SSBP4: variants seen among roughly 807,000 people sequenced by gnomAD.
SSBP4 encodes the protein single-stranded DNA-binding protein 4.
A neutral mutation model predicts 64.6 loss-of-function variants in SSBP4; 33 were observed. The observed-to-expected ratio is 0.51, with a 90% CI of 0.39 to 0.68. The LOEUF (loss-of-function observed/expected upper bound fraction) is 0.68, where lower values mean the gene tolerates loss of function less well. Ranked by LOEUF, SSBP4 falls within the 30% of genes least tolerant of loss-of-function variation. SSBP4 has a pLI of 0.00. For missense variants in SSBP4, 583 were observed against 566.8 expected, an observed-to-expected ratio of 1.03 and a Z score of -0.29; for synonymous variants, 243 against 224.0, an observed-to-expected ratio of 1.08 and a Z score of -0.76.
At chr19:18,405,773 G>A in the SSBP4 span, among the ~76,000 whole-genome samples, 3 of 152,128 alleles carry the variant, frequency 2.0e-5, no homozygotes, top group South Asian at 4.1e-4. Context: ...AGATCACGAG[G>A]TCAGGTGATC....
chr19:18,432,151 A>C lies in SSBP4; in HGVS notation c.641A>C (p.Tyr214Ser), dbSNP rs150124138. 2 of 1,613,128 alleles carry C rather than the reference A, an allele frequency of 1.2e-6. No individual in the cohort carries two copies. The highest frequency in any genetic ancestry group is 2.2e-5 in the South Asian group (2 of 91,074). The stretch of plus-strand genomic sequence containing the variant: ...ACAGCCCCTTTGCCTCCGCAGAGCT[A>C]TGGAGGTGGCATGCGACCCCCACCC... ...RGMASVGPQS[Y>S]GGGMRPPPNS... The change falls in exon 10 of 18, where the codon TAT (tyrosine) becomes TCT (serine). Residue 214 changes from tyrosine (Y) to serine (S), a missense_variant. By Grantham distance (144) the Tyr-to-Ser change is moderately radical (BLOSUM62 -2). This residue lies in a region of SSBP4 where 444 missense variants were observed against 386.6 expected (regional missense o/e 1.15). Coordinates refer to ENST00000270061, the MANE Select transcript of SSBP4 (RefSeq NM_032627.5).
chr19:18,418,760 C>G (rs954361801), upstream of SSBP4: 3 of 159,714 alleles, frequency 1.9e-5, no homozygotes, highest in African/African-American at 7.2e-5. The surrounding 1 kb of genome is among the most constrained non-coding windows in gnomAD (Gnocchi z 6.7). Context: ...ATAGTGCGCC[C>G]CAGGGTGACT....
intron 15 of SSBP4, 171 bp from the exon 16 acceptor site, chr19:18,433,414 T>C: frequency 1.5e-6 from 2 of 1,303,060 alleles, no homozygotes; most frequent in Non-Finnish European, 1.1e-6. Context: ...TGACCGCCCC[T>C]CCCCCCCAGG....
chr19:18,411,952 C>A, the SSBP4 span, among the ~76,000 whole-genome samples: 3 of 152,032 alleles, frequency 2.0e-5, no homozygotes, highest in African/African-American at 7.3e-5. Flanking sequence ...TCGCTTGAGG[C>A]CAGGAGTTCG....
chr19:18,419,250 C>A (rs1044600315), upstream of SSBP4: 30 of 990,498 alleles, frequency 3.0e-5, no homozygotes, highest in Non-Finnish European at 3.5e-5. Context: ...TGTAGCCGCG[C>A]CCCCACCCCC....
At chr19:18,420,481 G>A (rs957978424) in intron 1 of SSBP4, among the ~76,000 whole-genome samples, 3 of 152,124 alleles carry the variant, frequency 2.0e-5, no homozygotes, top group Non-Finnish European at 4.4e-5. Context: ...AGCCGAGTGT[G>A]CTCTCCGGGT....
chr19:18,417,922 GAGGCATCTGCGGGGTC>G (rs553636746), upstream of SSBP4, among the ~76,000 whole-genome samples: 2 of 152,278 alleles, frequency 1.3e-5, no homozygotes, highest in East Asian at 3.9e-4. The surrounding 1 kb of genome is among the most constrained non-coding windows in gnomAD (Gnocchi z 5.4). Flanking sequence ...CTCTATCGGG[GAGGCATCTGCGGGGTC>G]AGCTGGCAGC....
chr19:18,434,334 C>A lies in SSBP4; in HGVS notation c.*88C>A. ...CGAGGGGCTGAGGTCACACCTCGGG[C>A]ACCTGGACTCCTGGCCAATCAAGGC... On this transcript the variant is annotated 3_prime_UTR_variant, in exon 18 of 18. Transcript: ENST00000270061. The A allele has an allele frequency of 6.5e-7, 1 of 1,550,268 alleles. No individual in the cohort carries two copies.
At position 18,419,477 on chromosome 19, in the gene SSBP4, T is replaced by TGCCGCC. The variant is rs901750144; in HGVS notation, c.-163_-158dup. 9.3e-6 allele frequency: 10 copies of TGCCGCC among 1,078,062 alleles called. No individual in the cohort carries two copies. The highest frequency in any genetic ancestry group is 8.5e-5 in the African/African-American group (5 of 58,946). The allele number at this position is 1,078,062 out of a possible 1,614,324, so 66.8% of individuals were successfully genotyped here. On this transcript the variant is annotated 5_prime_UTR_variant, in exon 1 of 18. Transcript: ENST00000270061. The stretch of plus-strand genomic sequence containing the variant: ...CCGGGGCCGGAGCTGGAGCCGCCGC[T>TGCCGCC]GCCGCCGCCGCCGCGGCCGTCTGGA...
chr19:18,425,760 C>T (rs1195759387), intron 1 of SSBP4: 1 of 152,454 alleles, frequency 6.6e-6, no homozygotes, highest in East Asian at 1.9e-4. Flanking sequence ...ATCCCTGCCC[C>T]TGGGGTGGCC....
At chr19:18,429,749 G>A (rs1393396894) in intron 4 of SSBP4, among the ~76,000 whole-genome samples, 2 of 152,176 alleles carry the variant, frequency 1.3e-5, no homozygotes, top group Non-Finnish European at 2.9e-5. Context: ...GGCTTTCGAA[G>A]GATTTGTTTT....
rs749004485 is a variant in SSBP4, at chr19:18,427,817, C to T, written c.194+4C>T. On this transcript the variant is annotated splice_donor_region_variant and intron_variant, in intron 3 of 17. Coordinates refer to ENST00000270061, the MANE Select transcript of SSBP4 (RefSeq NM_032627.5). The surrounding 1 kb of genome is among the most constrained non-coding windows in gnomAD (Gnocchi z 4.4). The stretch of plus-strand genomic sequence containing the variant: ...GGTTCCTGCACTCCTGGTGGTGGTA[C>T]GGGCTGGGCTGCTGTGGGTGGGCTG... 1.6e-5 allele frequency: 26 copies of T among 1,610,458 alleles called. No individual in the cohort carries two copies. The highest frequency in any genetic ancestry group is 6.7e-5 in the Admixed American group (4 of 59,888).
rs746350144 is a variant in SSBP4 at position 18,427,985 on chromosome 19, G to A, written c.279+3G>A. ...AGGCCAAGGCCTTCCAGGACTATGT[G>A]AGTCCTGGCCCCAGGGACTCAGGGG... On this transcript the variant is annotated splice_donor_region_variant and intron_variant, in intron 4 of 17. Coordinates refer to ENST00000270061, the MANE Select transcript of SSBP4 (RefSeq NM_032627.5). This position sits in a 1 kb window ranked among gnomAD's most constrained non-coding sequence, Gnocchi z 4.4. 1.2e-6 allele frequency: 2 copies of A among 1,609,950 alleles called. No individual in the cohort carries two copies. The highest frequency in any genetic ancestry group is 1.7e-6 in the Non-Finnish European group (2 of 1,179,556).
At chr19:18,407,028 T>C in the SSBP4 span, among the ~76,000 whole-genome samples, 1 of 152,038 alleles carries the variant, frequency 6.6e-6, no homozygotes, top group Non-Finnish European at 1.5e-5. Flanking sequence ...TTATATTTTT[T>C]ATTTTATTAT....
At chr19:18,404,998 C>G in the SSBP4 span, among the ~76,000 whole-genome samples, 11 of 146,800 alleles carry the variant, frequency 7.5e-5, no homozygotes, top group East Asian at 2.2e-3. Context: ...CCCCCCCCCG[C>G]GAAAGAAAAA....
At chr19:18,420,347 C>T (rs1221426764) in intron 1 of SSBP4, among the ~76,000 whole-genome samples, 1 of 152,090 alleles carries the variant, frequency 6.6e-6, no homozygotes, top group Non-Finnish European at 1.5e-5. Context: ...CTGAGGGCCC[C>T]TTTTGTTCTG....
the SSBP4 span, among the ~76,000 whole-genome samples, chr19:18,412,791 G>A: frequency 2.6e-5 from 4 of 152,138 alleles, no homozygotes; most frequent in South Asian, 2.1e-4. Flanking sequence ...GCTTAAGCCC[G>A]GGAGGTGGAG....
In SSBP4 at chr19:18,426,268, C is replaced by T. The variant is rs970617910; in HGVS notation, c.60-1083C>T. Among the ~76,000 whole-genome samples the T allele has an allele frequency of 4.6e-5, 7 of 152,248 alleles. No individual in the cohort carries two copies. The highest frequency in any genetic ancestry group is 1.9e-4 in the East Asian group (1 of 5,180). The stretch of plus-strand genomic sequence containing the variant: ...GGATGGGGCCCGCAGCCAGAGAGGG[C>T]GGCGCAGCTGAGCTGGAGGCGGCTG... On this transcript the variant is annotated intron_variant, in intron 1 of 17. Coordinates refer to ENST00000270061, the MANE Select transcript of SSBP4 (RefSeq NM_032627.5). This position sits in a 1 kb window ranked among gnomAD's most constrained non-coding sequence, Gnocchi z 4.5.
In SSBP4 at chr19:18,432,134, T is replaced by G. The variant is rs1973444546; in HGVS notation, c.637-13T>G. The G allele has an allele frequency of 6.2e-7, 1 of 1,612,446 alleles. No individual in the cohort carries two copies. Among genetic ancestry groups the G allele is most frequent in the African/African-American group, 1.3e-5 (1 of 74,930 alleles). ...TCCCCGGTCTACCCCTCACAGCCCC[T>G]TTGCCTCCGCAGAGCTATGGAGGTG... is the stretch of plus-strand genomic sequence containing the variant. On this transcript the variant is annotated splice_polypyrimidine_tract_variant and intron_variant, in intron 9 of 17. Coordinates refer to ENST00000270061, the MANE Select transcript of SSBP4 (RefSeq NM_032627.5).
Sources: gnomAD v4.1 joint callset for allele counts (sites outside exome capture counted in the v4.1 genomes callset) on GRCh38, gnomAD v4.1.1 for gene constraint, gnomAD v4.1.1 regional missense constraint, Gnocchi (gnomAD v3.1) non-coding constraint, MANE v1.5 for transcripts, NCBI Gene and HGNC (gene_info 2026-07-23, HGNC 2026-07-21) for gene names.